Variants in PRKCB observed in about 807,000 individuals in gnomAD.
The protein encoded by PRKCB is protein kinase C beta type.
PRKCB carries 13 observed loss-of-function variants against 81.5 expected under a neutral mutation model. The observed-to-expected ratio is 0.16, with a 90% CI of 0.10 to 0.25. The LOEUF is 0.25. PRKCB is among the 10% of genes least tolerant of loss of function. The probability of loss-of-function intolerance (pLI) is 1.00; values close to 1 mark genes in which losing one functional copy is unlikely to be tolerated. For synonymous variants in PRKCB, 335 were observed against 321.4 expected (o/e 1.04, Z -0.45); for missense variants, 509 against 875.7 (o/e 0.58, Z 5.29).
At chr16:24,122,778 CCA>C (rs1966815967) in intron 8 of PRKCB, among the ~76,000 whole-genome samples, 1 of 152,148 alleles carries the variant, frequency 6.6e-6, no homozygotes, top group Non-Finnish European at 1.5e-5. Context: ...GCTTTTAACT[CCA>C]CAGTTTTCTC....
intron 2 of PRKCB, among the ~76,000 whole-genome samples, chr16:23,943,131 C>T (rs952329070): frequency 2.0e-5 from 3 of 152,188 alleles, no homozygotes; most frequent in African/African-American, 7.2e-5. Context: ...ATCCACCAGA[C>T]TTGTTGCATG....
chr16:23,847,913 T>C (rs1962407030), intron 2 of PRKCB, among the ~76,000 whole-genome samples: 1 of 152,166 alleles, frequency 6.6e-6, no homozygotes, highest in Non-Finnish European at 1.5e-5. Context: ...AAAAACACTT[T>C]GGATGGCATC....
intron 4 of PRKCB, among the ~76,000 whole-genome samples, chr16:24,033,494 G>A (rs1965574646): frequency 6.6e-6 from 1 of 152,170 alleles, no homozygotes; most frequent in Non-Finnish European, 1.5e-5. Context: ...AGGTGCAGTG[G>A]TTCACTCCTG....
intron 5 of PRKCB, among the ~76,000 whole-genome samples, chr16:24,048,301 A>C (rs1418067702): frequency 3.9e-5 from 6 of 152,162 alleles, no homozygotes; most frequent in Non-Finnish European, 5.9e-5. Context: ...TGAGACACAG[A>C]GAAAGAGGTT....
intron 8 of PRKCB, among the ~76,000 whole-genome samples, chr16:24,122,509 G>A (rs1966811731): frequency 7.0e-6 from 1 of 142,438 alleles, no homozygotes; most frequent in Admixed American, 7.1e-5. Flanking sequence ...ACCCAGGCTG[G>A]TGGGCAGTGG....
At chr16:23,856,265 T>G (rs543361559) in intron 2 of PRKCB, among the ~76,000 whole-genome samples, 27 of 152,292 alleles carry the variant, frequency 1.8e-4, no homozygotes, top group African/African-American at 6.3e-4. Context: ...TACACACTCC[T>G]GAGTCACAGG....
At chr16:23,944,554 GATGATCTCAC>G (rs1964180777) in intron 2 of PRKCB, among the ~76,000 whole-genome samples, 2 of 152,304 alleles carry the variant, frequency 1.3e-5, no homozygotes, top group Admixed American at 6.5e-5. Context: ...TTATGGGGAT[GATGATCTCAC>G]ATGATCTCAT....
intron 5 of PRKCB, among the ~76,000 whole-genome samples, chr16:24,055,427 A>C (rs1284556548): frequency 6.6e-6 from 1 of 152,192 alleles, no homozygotes; most frequent in Non-Finnish European, 1.5e-5. Flanking sequence ...GACGAGCTGC[A>C]TGCGGCAGCC....
At chr16:23,929,581 A>G (rs1326505663) in intron 2 of PRKCB, among the ~76,000 whole-genome samples, 1 of 152,098 alleles carries the variant, frequency 6.6e-6, no homozygotes, top group Non-Finnish European at 1.5e-5. Flanking sequence ...ACACACTAAT[A>G]CTTTCTACGT....
At chr16:24,198,991 C>T (rs1967917986) in intron 16 of PRKCB, among the ~76,000 whole-genome samples, 1 of 152,210 alleles carries the variant, frequency 6.6e-6, no homozygotes, top group Non-Finnish European at 1.5e-5. Context: ...GTATGACAGA[C>T]TGATTCCAAT....
intron 10 of PRKCB, among the ~76,000 whole-genome samples, chr16:24,162,413 C>T (rs1261129096): frequency 1.3e-5 from 2 of 150,268 alleles, no homozygotes; most frequent in Admixed American, 6.6e-5. Context: ...ACCAAACTGG[C>T]TCCAATAGCT....
chr16:24,132,771 CTTTTTTT>C (rs750021427), intron 9 of PRKCB, among the ~76,000 whole-genome samples: 3 of 100,954 alleles, frequency 3.0e-5, no homozygotes, highest in East Asian at 2.7e-4. Flanking sequence ...TGATTTGGGG[CTTTTTTT>C]TTTTTTTTTT....
chr16:23,915,463 T>C (rs983312315), intron 2 of PRKCB, among the ~76,000 whole-genome samples: 2 of 152,158 alleles, frequency 1.3e-5, no homozygotes, highest in Non-Finnish European at 1.5e-5. Context: ...GGCAGAAGGA[T>C]TGCTTGAGCC....
chr16:23,847,389 T>C (rs1000389959), intron 2 of PRKCB, among the ~76,000 whole-genome samples: 2 of 134,398 alleles, frequency 1.5e-5, no homozygotes, highest in African/African-American at 2.8e-5. Context: ...TCCATCTATC[T>C]ATCTATCCAT....
intron 2 of PRKCB, among the ~76,000 whole-genome samples, chr16:23,985,461 A>G (rs1298694248): frequency 6.6e-6 from 1 of 152,212 alleles, no homozygotes; most frequent in Non-Finnish European, 1.5e-5. Flanking sequence ...TCAAATTTAC[A>G]ATAGCATAAA....
chr16:24,177,447 G>T (rs1967552563), intron 12 of PRKCB, among the ~76,000 whole-genome samples: 1 of 152,080 alleles, frequency 6.6e-6, no homozygotes, highest in Non-Finnish European at 1.5e-5. Flanking sequence ...CCCTTCTTTT[G>T]TGTATGTGGA....
chr16:24,149,277 A>G (rs1312768756), intron 9 of PRKCB, among the ~76,000 whole-genome samples: 1 of 152,194 alleles, frequency 6.6e-6, no homozygotes, highest in East Asian at 1.9e-4. Flanking sequence ...TGATTGGAGG[A>G]GTATCAAATA....
At chr16:24,035,314 C>T (rs1238383375) in intron 4 of PRKCB, 105 bp from the exon 5 acceptor site, 17 of 1,446,760 alleles carry the variant, frequency 1.2e-5, no homozygotes, top group Admixed American at 7.9e-5. Context: ...TCAGCTGTCT[C>T]AAAGGAGGGA....
intron 2 of PRKCB, among the ~76,000 whole-genome samples, chr16:23,981,564 T>C (rs1460609793): frequency 7.0e-6 from 1 of 142,496 alleles, no homozygotes; most frequent in Non-Finnish European, 1.5e-5. Flanking sequence ...TGGCCTTTCT[T>C]CTTTCCTTTC....
Sources: allele counts gnomAD v4.1 joint callset (sites outside exome capture counted in the v4.1 genomes callset), GRCh38; gene constraint gnomAD v4.1.1; transcripts MANE v1.5; gene names NCBI Gene and HGNC (gene_info 2026-07-23, HGNC 2026-07-21).